The following IGSF11 variants were observed in gnomAD, a reference collection of about 807,000 sequenced individuals.
The protein encoded by IGSF11 is immunoglobulin superfamily member 11.
A neutral mutation model predicts 41.0 loss-of-function variants in IGSF11; 22 were observed. The ratio of observed to expected loss-of-function variants is 0.54; its 90% CI spans 0.38 to 0.77. The LOEUF (loss-of-function observed/expected upper bound fraction) is 0.77. IGSF11 is among the 30% of genes least tolerant of loss of function. IGSF11 has a pLI of 0.00. For missense variants in IGSF11, 444 were observed against 530.8 expected, an observed-to-expected ratio of 0.84 and a Z score of 1.61; for synonymous variants, 219 against 201.3, an observed-to-expected ratio of 1.09 and a Z score of -0.74.
At position 118,902,380 on chromosome 3, in the gene IGSF11, A is replaced by G; in HGVS notation, c.*140T>C. The G allele has an allele frequency of 1.5e-6, 1 of 677,542 alleles. No individual in the cohort carries two copies. The highest frequency in any genetic ancestry group is 2.5e-6 in the Non-Finnish European group (1 of 401,292). 42.0% of individuals were successfully genotyped at this position (677,542 alleles called of 1,614,324 possible). A position where few individuals can be genotyped will look rare whatever the true frequency, so the allele number is the denominator to read the frequency against. ...TTTTACACATCTTAGTGGCCAAGTA[A>G]CAGCACTGCCTTCTTCTTTGTGCAT... On this transcript the variant is annotated 3_prime_UTR_variant, in exon 7 of 7. Coordinates refer to ENST00000393775, the MANE Select transcript of IGSF11 (RefSeq NM_001015887.3).
chr3:119,109,747 A>G (rs1357299465), upstream of IGSF11, among the ~76,000 whole-genome samples: 1 of 151,802 alleles, frequency 6.6e-6, no homozygotes, highest in Non-Finnish European at 1.5e-5. Flanking sequence ...ATTTCCCTCT[A>G]CACACTGCTT....
chr3:119,087,106 T>C (rs1030832709), intron 1 of IGSF11, among the ~76,000 whole-genome samples: 2 of 152,140 alleles, frequency 1.3e-5, no homozygotes, highest in African/African-American at 2.4e-5. Flanking sequence ...TTGCTATTCT[T>C]ATATCAGATA....
chr3:118,956,302 T>C (rs931340014), intron 1 of IGSF11, among the ~76,000 whole-genome samples: 1 of 152,210 alleles, frequency 6.6e-6, no homozygotes, highest in Non-Finnish European at 1.5e-5. Flanking sequence ...CACTGGAGTA[T>C]CACTTCTAAT....
intron 1 of IGSF11, among the ~76,000 whole-genome samples, chr3:119,095,068 G>A (rs1037619838): frequency 2.6e-5 from 4 of 152,052 alleles, no homozygotes; most frequent in African/African-American, 9.7e-5. Flanking sequence ...TTCAGGAAAA[G>A]TAATTTCACA....
At chr3:118,914,315 G>A (rs551019874) in intron 4 of IGSF11, among the ~76,000 whole-genome samples, 4 of 151,904 alleles carry the variant, frequency 2.6e-5, no homozygotes, top group Admixed American at 1.3e-4. Context: ...CGCAGAAGAC[G>A]GGTGATTTCT....
intron 1 of IGSF11, among the ~76,000 whole-genome samples, chr3:119,080,016 T>G (rs1407631480): frequency 1.3e-5 from 2 of 152,124 alleles, no homozygotes; most frequent in Non-Finnish European, 2.9e-5. Context: ...AACCTGCACA[T>G]GTACCACCTT....
chr3:119,124,155 G>A (rs2107532387), intron 1 of IGSF11, among the ~76,000 whole-genome samples: 1 of 151,326 alleles, frequency 6.6e-6, no homozygotes, highest in Middle Eastern at 3.4e-3. Flanking sequence ...AGATAGAGAA[G>A]GAATTCAGAA....
chr3:119,135,063 A>G (rs2077540746), intron 1 of IGSF11, among the ~76,000 whole-genome samples: 1 of 152,270 alleles, frequency 6.6e-6, no homozygotes, highest in Admixed American at 6.5e-5. Flanking sequence ...AAATTAATTC[A>G]AGACGGATTA....
chr3:119,023,068 C>A (rs1939452066), intron 1 of IGSF11, among the ~76,000 whole-genome samples: 1 of 151,902 alleles, frequency 6.6e-6, no homozygotes, highest in Non-Finnish European at 1.5e-5. Context: ...ATGAGACCAG[C>A]CTGGCCAACA....
In IGSF11 at chr3:119,042,405, G is replaced by A. The variant is rs551086946; in HGVS notation, c.49+62739C>T. On this transcript the variant is annotated intron_variant, in intron 1 of 6. Coordinates refer to the IGSF11 transcript ENST00000354673. ...TCTAAGCCCTGATTGCAGGCTGACT[G>A]GATATAAACTCAATATGGTTGCTGG... Among the ~76,000 whole-genome samples, 16 of 152,322 alleles carry A rather than the reference G, an allele frequency of 1.1e-4. No homozygotes were observed. In the East Asian group the frequency reaches 2.7e-3, roughly 26 times the overall value.
intron 4 of IGSF11, among the ~76,000 whole-genome samples, chr3:118,923,026 C>T (rs1424357206): frequency 2.6e-5 from 4 of 152,088 alleles, no homozygotes; most frequent in Non-Finnish European, 4.4e-5. Context: ...CACTTTAATG[C>T]AGTGATACTC....
intron 1 of IGSF11, among the ~76,000 whole-genome samples, chr3:118,984,005 T>C (rs1935003497): frequency 6.6e-6 from 1 of 152,086 alleles, no homozygotes; most frequent in Non-Finnish European, 1.5e-5. Context: ...TCCTCTAGAA[T>C]TTATCAAACC....
intron 1 of IGSF11, among the ~76,000 whole-genome samples, chr3:119,023,100 A>G (rs1005938226): frequency 2.0e-5 from 3 of 152,140 alleles, no homozygotes; most frequent in East Asian, 3.9e-4. Context: ...TGTCTCTACT[A>G]AAAATACATA....
At chr3:118,934,241 T>C (rs1943077052) in intron 1 of IGSF11, among the ~76,000 whole-genome samples, 1 of 152,212 alleles carries the variant, frequency 6.6e-6, no homozygotes, top group Non-Finnish European at 1.5e-5. Context: ...GCTTCCCAGA[T>C]ACCTCCTTGT....
At chr3:119,123,057 T>TC (rs1472994011) in intron 1 of IGSF11, among the ~76,000 whole-genome samples, 1 of 152,114 alleles carries the variant, frequency 6.6e-6, no homozygotes, top group African/African-American at 2.4e-5. Context: ...GAATCCTGAT[T>TC]CCAGGCCTTG....
At chr3:118,982,721 G>A (rs1221519220) in intron 1 of IGSF11, among the ~76,000 whole-genome samples, 2 of 151,974 alleles carry the variant, frequency 1.3e-5, no homozygotes, top group African/African-American at 4.8e-5. Context: ...TCACTGAAAA[G>A]GCCTTCTCCT....
At chr3:118,910,720 C>T (rs981406521) in intron 4 of IGSF11, among the ~76,000 whole-genome samples, 11 of 152,146 alleles carry the variant, frequency 7.2e-5, no homozygotes, top group East Asian at 1.9e-4. Context: ...CAAATCCCCA[C>T]GAACCTTTAT....
intron 3 of IGSF11, among the ~76,000 whole-genome samples, chr3:118,927,697 G>C (rs1942452080): frequency 6.6e-6 from 1 of 152,140 alleles, no homozygotes; most frequent in African/African-American, 2.4e-5. Flanking sequence ...GGATGGAGGA[G>C]AATCAAGAAC....
intron 4 of IGSF11, among the ~76,000 whole-genome samples, chr3:118,907,655 A>T (rs1437156880): frequency 1.3e-5 from 2 of 152,212 alleles, no homozygotes; most frequent in Non-Finnish European, 1.5e-5. Context: ...AACAGCATTA[A>T]ATATGCCTCA....
Sources: allele counts gnomAD v4.1 joint callset (sites outside exome capture counted in the v4.1 genomes callset), GRCh38; gene constraint gnomAD v4.1.1; transcripts MANE v1.5; gene names NCBI Gene and HGNC (gene_info 2026-07-23, HGNC 2026-07-21).